CPEB1: variants seen among roughly 807,000 people sequenced by gnomAD.
CPEB1 encodes cytoplasmic polyadenylation element binding protein 1.
In CPEB1, 7 loss-of-function variants were observed where a neutral mutation model predicts 65.8. The observed-to-expected ratio is 0.11, with a 90% CI of 0.06 to 0.20. The LOEUF (loss-of-function observed/expected upper bound fraction) is 0.20, where lower values mean the gene tolerates loss of function less well. CPEB1 is among the 10% of genes least tolerant of loss of function. The pLI is 1.00. For synonymous variants in CPEB1, 262 were observed against 260.0 expected, an observed-to-expected ratio of 1.01 and a Z score of -0.08; for missense variants, 551 against 712.2, an observed-to-expected ratio of 0.77 and a Z score of 2.58.
chr15:82,587,639 T>C (rs989270679), intron 3 of CPEB1, among the ~76,000 whole-genome samples: 165 of 152,306 alleles, frequency 1.1e-3, no homozygotes, highest in African/African-American at 3.7e-3. Context: ...AATTTTCAAA[T>C]TGTTTATAGC....
rs752604379 is a variant in CPEB1, at chr15:82,553,914, C to T, written c.1018G>A (p.Val340Met). 3 of 1,612,982 alleles carry T rather than the reference C, an allele frequency of 1.9e-6. No homozygotes were observed. The highest frequency in any genetic ancestry group is 1.7e-5 in the Admixed American group (1 of 59,808). The change falls in exon 7 of 13, where the codon GTG (valine) becomes ATG (methionine). Residue 340 changes from valine to methionine, a missense_variant. By Grantham distance (21) the Val-to-Met change is conservative. Transcript: ENST00000684509. ...TCCCAAGGAACACCTCCTAGAAACA[C>T]CTTGCAAGAGTAGATGGGGTTCTTA... The part of the protein sequence containing the change: ...NYKNPIYSCK[V>M]FLGGVPWDIT...
intron 3 of CPEB1, among the ~76,000 whole-genome samples, chr15:82,620,058 C>T (rs781758354): frequency 6.6e-5 from 10 of 152,124 alleles, no homozygotes; most frequent in Non-Finnish European, 1.5e-4. Flanking sequence ...TACTGTAAAG[C>T]AACAGGAATC....
At chr15:82,585,573 A>G (rs1387355397) in intron 3 of CPEB1, among the ~76,000 whole-genome samples, 1 of 152,174 alleles carries the variant, frequency 6.6e-6, no homozygotes, top group Admixed American at 6.5e-5. Context: ...CCCTTTTACA[A>G]GCATTAAAGC....
intron 3 of CPEB1, among the ~76,000 whole-genome samples, chr15:82,583,765 T>G (rs1269276313): frequency 6.6e-6 from 1 of 152,186 alleles, no homozygotes; most frequent in Admixed American, 6.5e-5. Context: ...TCATGAACCA[T>G]TTGGCAGTCT....
intron 3 of CPEB1, among the ~76,000 whole-genome samples, chr15:82,624,272 G>A (rs906385864): frequency 3.9e-5 from 6 of 152,262 alleles, no homozygotes; most frequent in East Asian, 1.9e-4. Flanking sequence ...CTGGGTATAC[G>A]TGAAAGGCTC....
intron 3 of CPEB1, among the ~76,000 whole-genome samples, chr15:82,621,379 T>C (rs2045284920): frequency 6.6e-6 from 1 of 151,188 alleles, no homozygotes; most frequent in South Asian, 2.1e-4. Context: ...CCCAGCACTT[T>C]GGGAGGCCGA....
At chr15:82,602,440 T>C (rs373215688) in intron 3 of CPEB1, among the ~76,000 whole-genome samples, 25 of 152,150 alleles carry the variant, frequency 1.6e-4, no homozygotes, top group African/African-American at 5.8e-4. Context: ...TACAAGTGCT[T>C]TGGGAGGCTC....
At chr15:82,636,038 T>C (rs113070885) in intron 1 of CPEB1, among the ~76,000 whole-genome samples, 1,882 of 152,224 alleles carry the variant, frequency 0.012, 32 homozygotes, top group African/African-American at 0.042. Context: ...AGATCTCCTC[T>C]CCCTGCATCA....
intron 3 of CPEB1, among the ~76,000 whole-genome samples, chr15:82,577,563 G>A (rs539654653): frequency 2.6e-5 from 4 of 152,212 alleles, no homozygotes; most frequent in African/African-American, 4.8e-5. Context: ...TCTGTCAGGC[G>A]GGAATGCAGT....
intron 3 of CPEB1, among the ~76,000 whole-genome samples, chr15:82,616,928 A>G (rs750281169): frequency 9.9e-5 from 15 of 152,210 alleles, no homozygotes; most frequent in Non-Finnish European, 1.9e-4. Flanking sequence ...ATGTATACAT[A>G]CCCACGAAAC....
intron 3 of CPEB1, among the ~76,000 whole-genome samples, chr15:82,575,229 G>A (rs1282431408): frequency 6.6e-6 from 1 of 152,096 alleles, no homozygotes; most frequent in Non-Finnish European, 1.5e-5. Context: ...AATTCATTGG[G>A]GAAAAACTTT....
intron 3 of CPEB1, among the ~76,000 whole-genome samples, chr15:82,589,192 C>T (rs571104457): frequency 2.6e-5 from 4 of 152,376 alleles, no homozygotes; most frequent in Admixed American, 2.0e-4. Flanking sequence ...CCCTGGAAAG[C>T]CCTGTACCTC....
At chr15:82,591,357 G>C (rs966221188) in intron 3 of CPEB1, among the ~76,000 whole-genome samples, 4 of 152,154 alleles carry the variant, frequency 2.6e-5, no homozygotes, top group African/African-American at 9.7e-5. Flanking sequence ...TGCCTCCCAG[G>C]TTCAAATGAT....
chr15:82,592,565 C>CAAAAAAAA (rs2042342851), intron 3 of CPEB1, among the ~76,000 whole-genome samples: 1 of 133,948 alleles, frequency 7.5e-6, no homozygotes, highest in African/African-American at 2.9e-5. Context: ...ATGACAGAGC[C>CAAAAAAAA]AGATATTGTC....
At chr15:82,602,951 G>C (rs928542018) in intron 3 of CPEB1, among the ~76,000 whole-genome samples, 1 of 152,206 alleles carries the variant, frequency 6.6e-6, no homozygotes, top group Non-Finnish European at 1.5e-5. Context: ...AAAAACCAAT[G>C]AGAACACTAG....
At chr15:82,559,863 C>T (rs1034328342) in intron 4 of CPEB1, among the ~76,000 whole-genome samples, 2 of 152,066 alleles carry the variant, frequency 1.3e-5, no homozygotes, top group Non-Finnish European at 2.9e-5. Context: ...ACAGGTAGAT[C>T]ACCTGAGGTC....
chr15:82,573,184 C>T (rs1466989883), intron 3 of CPEB1: 17 of 1,530,694 alleles, frequency 1.1e-5, no homozygotes, highest in Non-Finnish European at 1.4e-5. Context: ...TGTCCACAGG[C>T]ACTCAGGCAT....
In CPEB1 at chr15:82,560,775, G is replaced by C. The variant is rs182106560; in HGVS notation, c.461-2789C>G. Among the ~76,000 whole-genome samples the C allele has an allele frequency of 5.6e-4, 86 of 152,254 alleles. 1 individual carries two copies. The highest frequency in any genetic ancestry group is 1.6e-3 in the Admixed American group (24 of 15,290). On this transcript the variant is annotated intron_variant, in intron 4 of 12. Transcript: ENST00000684509. The stretch of plus-strand genomic sequence containing the variant: ...TGTGGATAGCAAAGAAGGCTGACCA[G>C]GGAAACTAAGGAAAAGCACCAGTAG...
At chr15:82,621,451 G>T (rs561936215) in intron 3 of CPEB1, among the ~76,000 whole-genome samples, 1 of 151,820 alleles carries the variant, frequency 6.6e-6, no homozygotes, top group Admixed American at 6.6e-5. Context: ...GAGAAACCCC[G>T]TCTCTACTAA....
Sources: gnomAD v4.1 joint callset for allele counts (sites outside exome capture counted in the v4.1 genomes callset) on GRCh38, gnomAD v4.1.1 for gene constraint, MANE v1.5 for transcripts, NCBI Gene and HGNC (gene_info 2026-07-23, HGNC 2026-07-21) for gene names.